LYPD6: variants seen among roughly 807,000 people sequenced by gnomAD.
LYPD6 encodes the protein ly6/PLAUR domain-containing protein 6.
LYPD6 carries 15 observed loss-of-function variants against 22.7 expected under a neutral mutation model. The ratio of observed to expected loss-of-function variants is 0.66; its 90% CI spans 0.44 to 1.02. LYPD6 has a LOEUF of 1.02. LYPD6 is among the 50% of genes least tolerant of loss of function. The pLI, the probability that LYPD6 is intolerant of heterozygous loss-of-function variation, is 0.00. For synonymous variants in LYPD6, 72 were observed against 77.5 expected, an observed-to-expected ratio of 0.93 and a Z score of 0.37; for missense variants, 189 against 208.4, an observed-to-expected ratio of 0.91 and a Z score of 0.57.
intron 1 of LYPD6, among the ~76,000 whole-genome samples, chr2:149,333,455 G>A (rs1436742248): frequency 1.3e-5 from 2 of 152,220 alleles, no homozygotes; most frequent in East Asian, 3.8e-4. Context: ...GGTTAAGTAT[G>A]TGGGCTTTGG....
intron 1 of LYPD6, among the ~76,000 whole-genome samples, chr2:149,434,211 A>G (rs963141117): frequency 1.3e-5 from 2 of 152,304 alleles, no homozygotes; most frequent in South Asian, 2.1e-4. Context: ...TAAACACACT[A>G]TTAAAGGCAA....
chr2:149,479,923 T>C, the LYPD6 span, among the ~76,000 whole-genome samples: 1 of 152,100 alleles, frequency 6.6e-6, no homozygotes, highest in African/African-American at 2.4e-5. Flanking sequence ...CAAGTCCCCC[T>C]GCACTGGCCA....
chr2:149,337,211 T>A (rs1197101005), intron 1 of LYPD6, among the ~76,000 whole-genome samples: 4 of 152,162 alleles, frequency 2.6e-5, no homozygotes, highest in African/African-American at 7.2e-5. Context: ...ACTCTCCCAG[T>A]AAATACGTTG....
chr2:149,435,544 T>C (rs13386812), intron 1 of LYPD6, among the ~76,000 whole-genome samples: 2 of 152,222 alleles, frequency 1.3e-5, no homozygotes, highest in Admixed American at 6.5e-5. Flanking sequence ...CTCACCATGC[T>C]GGCAGAGAAA....
chr2:149,391,459 G>GT (rs202103297), intron 1 of LYPD6, among the ~76,000 whole-genome samples: 17 of 148,946 alleles, frequency 1.1e-4, no homozygotes, highest in South Asian at 4.3e-4. Context: ...ATGCTTGTGG[G>GT]TTTTTTTTTT....
downstream of LYPD6, among the ~76,000 whole-genome samples, chr2:149,475,632 T>G (rs1438342595): frequency 6.6e-6 from 1 of 152,146 alleles, no homozygotes; most frequent in Non-Finnish European, 1.5e-5. Flanking sequence ...CCATTGCAAT[T>G]GCTGGAATTG....
chr2:149,433,798 C>T (rs1031163992), intron 1 of LYPD6, among the ~76,000 whole-genome samples: 1 of 152,162 alleles, frequency 6.6e-6, no homozygotes, highest in Non-Finnish European at 1.5e-5. Flanking sequence ...GCATTTTCCC[C>T]ATGTTGTATA....
intron 1 of LYPD6, among the ~76,000 whole-genome samples, chr2:149,424,019 C>T (rs557690030): frequency 2.9e-4 from 44 of 152,226 alleles, no homozygotes; most frequent in African/African-American, 1.1e-3. Context: ...AAGATTTCCC[C>T]GAAAGATGCC....
At chr2:149,469,733 CTT>C (rs140260075) in intron 4 of LYPD6, among the ~76,000 whole-genome samples, 16,624 of 152,108 alleles carry the variant, frequency 0.11, 1,130 homozygotes, top group African/African-American at 0.19. Flanking sequence ...ACTGTGGCCT[CTT>C]TACCAAGGAG....
intron 2 of LYPD6, among the ~76,000 whole-genome samples, chr2:149,441,813 G>A (rs955786648): frequency 1.3e-5 from 2 of 152,144 alleles, no homozygotes; most frequent in South Asian, 4.1e-4. Flanking sequence ...AAGTGGCTGC[G>A]ACCTATTCTT....
intron 1 of LYPD6, among the ~76,000 whole-genome samples, chr2:149,336,327 T>C (rs1375046408): frequency 6.6e-6 from 1 of 152,102 alleles, no homozygotes; most frequent in Non-Finnish European, 1.5e-5. Context: ...ATCATCTAAA[T>C]AGGAAGAAAA....
chr2:149,354,663 C>T (rs747306942), intron 1 of LYPD6, among the ~76,000 whole-genome samples: 4 of 152,130 alleles, frequency 2.6e-5, no homozygotes, highest in Non-Finnish European at 4.4e-5. Context: ...AACCATGAGA[C>T]GAGTCCATCA....
the LYPD6 span, among the ~76,000 whole-genome samples, chr2:149,479,716 G>C: frequency 7.8e-4 from 118 of 152,118 alleles, no homozygotes; most frequent in South Asian, 9.6e-3. Context: ...CCACCCCTCT[G>C]GTCCCAGCTA....
intron 1 of LYPD6, among the ~76,000 whole-genome samples, chr2:149,353,915 C>T (rs1345416563): frequency 6.6e-6 from 1 of 152,094 alleles, no homozygotes; most frequent in African/African-American, 2.4e-5. Flanking sequence ...TAATGAGGAG[C>T]CACAAAAGGG....
At chr2:149,367,199 G>A (rs1455791536) in intron 1 of LYPD6, among the ~76,000 whole-genome samples, 1 of 152,104 alleles carries the variant, frequency 6.6e-6, no homozygotes, top group Non-Finnish European at 1.5e-5. Context: ...CTATTACAAG[G>A]CTGCAATCGG....
intron 1 of LYPD6, among the ~76,000 whole-genome samples, chr2:149,402,706 T>C (rs937313528): frequency 2.6e-5 from 4 of 152,102 alleles, no homozygotes; most frequent in Non-Finnish European, 5.9e-5. Flanking sequence ...ATTCATGTCC[T>C]TAGCCCACTT....
At chr2:149,460,760 T>C (rs1432931241) in intron 3 of LYPD6, among the ~76,000 whole-genome samples, 3 of 151,984 alleles carry the variant, frequency 2.0e-5, no homozygotes, top group Non-Finnish European at 4.4e-5. Flanking sequence ...CAACAAACTT[T>C]TAAAAATTGA....
chr2:149,397,052 A>G (rs576188969), intron 1 of LYPD6, among the ~76,000 whole-genome samples: 160 of 152,344 alleles, frequency 1.1e-3, no homozygotes, highest in Non-Finnish European at 1.9e-3. Context: ...GTTATACTGT[A>G]TTTTTTATGT....
chr2:149,365,903 A>C (rs1681652089), intron 1 of LYPD6, among the ~76,000 whole-genome samples: 1 of 152,186 alleles, frequency 6.6e-6, no homozygotes, highest in Admixed American at 6.5e-5. Flanking sequence ...ACCAATTTAG[A>C]TGACTAACCC....
Sources: allele counts gnomAD v4.1 joint callset (sites outside exome capture counted in the v4.1 genomes callset), GRCh38; gene constraint gnomAD v4.1.1; transcripts MANE v1.5; gene names NCBI Gene and HGNC (gene_info 2026-07-23, HGNC 2026-07-21).